The following ZFHX3 variants were observed in gnomAD, a reference collection of about 807,000 sequenced individuals.
ZFHX3 encodes zinc finger homeobox 3, also known as zinc finger homeobox protein 3.
Under a neutral mutation model 279.1 loss-of-function variants are expected in ZFHX3, and 42 were observed. The ratio of observed to expected loss-of-function variants is 0.15; its 90% CI spans 0.12 to 0.19. The LOEUF (loss-of-function observed/expected upper bound fraction) is 0.19. Among genes scored for constraint, ZFHX3 ranks in the 10% least tolerant of loss-of-function variants. ZFHX3 has a pLI of 1.00. For missense variants in ZFHX3, 4,981 were observed against 4,754.0 expected (o/e 1.05, Z -1.40); for synonymous variants, 2,293 against 1,957.8 (o/e 1.17, Z -4.52).
At chr16:73,079,621 G>T (rs966506109) in intron 8 of ZFHX3, among the ~76,000 whole-genome samples, 2 of 151,948 alleles carry the variant, frequency 1.3e-5, no homozygotes, top group African/African-American at 4.8e-5. Context: ...TTACAAGCGT[G>T]AGCTGCCACA....
intron 3 of ZFHX3, among the ~76,000 whole-genome samples, chr16:72,899,889 C>T (rs1348399953): frequency 1.3e-5 from 2 of 152,080 alleles, no homozygotes; most frequent in Non-Finnish European, 2.9e-5. Context: ...GGGATGGAAA[C>T]GAACATCTAC....
intron 7 of ZFHX3, among the ~76,000 whole-genome samples, chr16:73,104,770 T>C (rs1966275396): frequency 6.6e-6 from 1 of 152,178 alleles, no homozygotes; most frequent in African/African-American, 2.4e-5. Context: ...TTTTAACATG[T>C]GGCTGAAAAG....
At chr16:72,843,980 C>A (rs1030209314) in intron 4 of ZFHX3, among the ~76,000 whole-genome samples, 3 of 152,126 alleles carry the variant, frequency 2.0e-5, no homozygotes, top group African/African-American at 7.2e-5. Context: ...AAAGAAAGGA[C>A]AAGACACAGC....
intron 3 of ZFHX3, among the ~76,000 whole-genome samples, chr16:73,348,253 C>T (rs2016157354): frequency 6.6e-6 from 1 of 152,080 alleles, no homozygotes; most frequent in South Asian, 2.1e-4. Context: ...GTTTACTTAA[C>T]ATTGGTGAGA....
intron 5 of ZFHX3, among the ~76,000 whole-genome samples, chr16:73,182,887 G>T (rs1840876368): frequency 6.6e-6 from 1 of 151,430 alleles, no homozygotes; most frequent in Non-Finnish European, 1.5e-5. Context: ...GACTGCAAAA[G>T]GCGGGAGGGG....
intron 2 of ZFHX3, among the ~76,000 whole-genome samples, chr16:73,602,121 G>A (rs1351072947): frequency 6.6e-6 from 1 of 152,156 alleles, no homozygotes; most frequent in Non-Finnish European, 1.5e-5. Context: ...AACAGAGTGA[G>A]ACCTTGTCTC....
chr16:73,627,342 T>C (rs1016061905), intron 2 of ZFHX3, among the ~76,000 whole-genome samples: 3 of 152,126 alleles, frequency 2.0e-5, no homozygotes, highest in Admixed American at 6.6e-5. Context: ...AGGAAAGGTG[T>C]CAACCGGGCC....
intron 6 of ZFHX3, among the ~76,000 whole-genome samples, chr16:73,132,623 C>G (rs574137619): frequency 6.6e-6 from 1 of 152,254 alleles, no homozygotes; most frequent in South Asian, 2.1e-4. Context: ...CACAGAGACA[C>G]AAAGCAATTG....
chr16:72,982,558 G>T (rs1054170268), intron 1 of ZFHX3, among the ~76,000 whole-genome samples: 1 of 152,202 alleles, frequency 6.6e-6, no homozygotes, highest in Non-Finnish European at 1.5e-5. Context: ...CCCAAAGGAG[G>T]TATTTTCATT....
Position 73,378,476 on chromosome 16 carries a change from A to G in ZFHX3, c.-1290-60140T>C, listed in dbSNP as rs569058563. Among the ~76,000 whole-genome samples, 7 of 152,274 alleles carry G rather than the reference A, an allele frequency of 4.6e-5. No individual in the cohort carries two copies. The South Asian group carries it at 1.5e-3, about 32-fold the overall frequency. On this transcript the variant is annotated intron_variant, in intron 3 of 17. Coordinates refer to the ZFHX3 transcript ENST00000641206. ...ATGACACTGTGAAATTACTATCTCT[A>G]AGTAACTCTTGTGTACCTGGTTTCG...
rs543599648 is a variant in ZFHX3, at chr16:73,485,223, G to A, written c.-1546-28965C>T. On this transcript the variant is annotated intron_variant, in intron 2 of 17. Coordinates refer to the ZFHX3 transcript ENST00000641206. The stretch of plus-strand genomic sequence containing the variant: ...AATGTCAGTGCAGGTGGGACCAATG[G>A]GTGACTTCAGGAATGGAGTGAGGAG... 1.5e-3 allele frequency among the ~76,000 whole-genome samples: 221 copies of A among 152,212 alleles called. 1 individual carries two copies. Among genetic ancestry groups the A allele is most frequent in the Non-Finnish European group, 2.6e-3 (175 of 68,014 alleles).
chr16:72,950,423 C>A (rs745854301), intron 3 of ZFHX3, 46 bp downstream of exon 3: 3 of 1,592,192 alleles, frequency 1.9e-6, no homozygotes, highest in Non-Finnish European at 8.6e-7. Context: ...TGCGCAACCC[C>A]CTCCTTTCAG....
At chr16:73,704,348 T>A (rs2053283271) in intron 1 of ZFHX3, among the ~76,000 whole-genome samples, 1 of 152,170 alleles carries the variant, frequency 6.6e-6, no homozygotes, top group South Asian at 2.1e-4. Context: ...CTTCAGGGAA[T>A]GAACAAGAAA....
At position 73,207,216 on chromosome 16, in the gene ZFHX3, G is replaced by A. The variant is rs182186160; in HGVS notation, c.-1104+49831C>T. ...ACATTCATGAAACTTAAACCCAGAGGAAAGAGCCAGCAAGCACTAGACGAC... is the reference window on the plus strand; with the variant it reads ...ACATTCATGAAACTTAAACCCAGAGAAAAGAGCCAGCAAGCACTAGACGAC... On this transcript the variant is annotated intron_variant, in intron 5 of 17. Transcript: ENST00000641206. 2.2e-4 allele frequency among the ~76,000 whole-genome samples: 33 copies of A among 152,188 alleles called. 1 individual carries two copies. Among genetic ancestry groups the A allele is most frequent in the South Asian group, 6.2e-4 (3 of 4,816 alleles).
At chr16:72,801,758 T>C (rs774068209) in intron 7 of ZFHX3, among the ~76,000 whole-genome samples, 7 of 152,160 alleles carry the variant, frequency 4.6e-5, no homozygotes, top group Non-Finnish European at 7.3e-5. Context: ...GGAGTGGAGA[T>C]TGCCAAACTC....
At position 72,787,459 on chromosome 16, in the gene ZFHX3, GAGGGGGCGGCGGCCGAC is replaced by G; in HGVS notation, c.10800_10816del (p.Ser3601LeufsTer59). 6.2e-7 allele frequency: 1 copy of G among 1,605,272 alleles called. No homozygotes were observed. ...CCTGGAGGCGTGGGGGGAAGCGGAGGAGGGGGCGGCGGCCGACGGGGGAGGGGGGCTGTCGTTTGAGT... is the reference window on the plus strand; with the variant it reads ...CCTGGAGGCGTGGGGGGAAGCGGAGGGGGGGAGGGGGGCTGTCGTTTGAGT... On this transcript the variant is annotated frameshift_variant, in exon 10 of 10. Transcript: ENST00000268489. LOFTEE classifies it high-confidence loss of function.
At chr16:72,898,768 T>C (rs991262475) in intron 3 of ZFHX3, among the ~76,000 whole-genome samples, 1 of 144,198 alleles carries the variant, frequency 6.9e-6, no homozygotes, top group African/African-American at 2.6e-5. Context: ...AAAAAAAGTG[T>C]GTGTAGGTGC....
In ZFHX3 at chr16:72,788,728, G is replaced by A. The variant is rs201603161; in HGVS notation, c.9548C>T (p.Pro3183Leu). Residue 3183 changes from proline (P) to leucine (L), a missense_variant, in exon 10 of 10, where the codon CCA (proline) becomes CTA (leucine). By Grantham distance (98) the Pro-to-Leu change is moderately conservative (BLOSUM62 -3). Around this residue, in one of 7 missense-constraint regions of ZFHX3, gnomAD observed 1,034 missense variants for 786.0 expected, o/e 1.32. Transcript: ENST00000268489. ...PSSASLSSPTPAQATMAMGPQ... is the reference protein window; with the variant it reads ...PSSASLSSPTLAQATMAMGPQ... Reference sequence around the variant, plus strand: ...GCCCATCGCCATCGTGGCTTGTGCTGGGGTTGGGGAGCTCAGCGACGCTGA... The same window carrying A: ...GCCCATCGCCATCGTGGCTTGTGCTAGGGTTGGGGAGCTCAGCGACGCTGA... The A allele has an allele frequency of 3.7e-6, 6 of 1,602,134 alleles. No individual in the cohort carries two copies. Among genetic ancestry groups the A allele is most frequent in the Non-Finnish European group, 8.5e-7 (1 of 1,174,524 alleles).
At chr16:72,819,416 C>T (rs2036713991) in intron 5 of ZFHX3, among the ~76,000 whole-genome samples, 1 of 152,192 alleles carries the variant, frequency 6.6e-6, no homozygotes, top group Non-Finnish European at 1.5e-5. Context: ...TGAGGTTCAG[C>T]AAATGCCAGA....
Sources: gnomAD v4.1 joint callset for allele counts (sites outside exome capture counted in the v4.1 genomes callset) on GRCh38, gnomAD v4.1.1 for gene constraint, gnomAD v4.1.1 regional missense constraint, MANE v1.5 for transcripts, NCBI Gene and HGNC (gene_info 2026-07-23, HGNC 2026-07-21) for gene names.